Variants in ADAMTS2 observed in about 807,000 individuals in gnomAD.
The protein encoded by ADAMTS2 is ADAM metallopeptidase with thrombospondin type 1 motif 2.
Under a neutral mutation model 123.0 loss-of-function variants are expected in ADAMTS2, and 50 were observed. The ratio of observed to expected loss-of-function variants is 0.41; its 90% confidence interval spans 0.32 to 0.51. The LOEUF (loss-of-function observed/expected upper bound fraction) is 0.51. ADAMTS2 is among the 20% of genes least tolerant of loss of function. The pLI is 0.35. For synonymous variants in ADAMTS2, 678 were observed against 695.4 expected (o/e 0.98, Z 0.39); for missense variants, 1,494 against 1,705.2 (o/e 0.88, Z 2.18).
chr5:179,286,495 T>G (rs181901784), intron 2 of ADAMTS2, among the ~76,000 whole-genome samples: 2 of 152,044 alleles, frequency 1.3e-5, no homozygotes, highest in Non-Finnish European at 2.9e-5. Context: ...TGCCAACATA[T>G]GCTTCCTTAC....
intron 13 of ADAMTS2, 43 bp downstream of exon 13, chr5:179,135,866 G>C: frequency 6.2e-7 from 1 of 1,611,842 alleles, no homozygotes; most frequent in Non-Finnish European, 8.5e-7. Flanking sequence ...AGGAAGCTGA[G>C]ACTTGACACG....
At chr5:179,125,640 T>C (rs533866651) in intron 18 of ADAMTS2, among the ~76,000 whole-genome samples, 1 of 152,330 alleles carries the variant, frequency 6.6e-6, no homozygotes, top group East Asian at 1.9e-4. Context: ...CTGAGGTCCC[T>C]GGACCCAGAA....
rs972211440 is a variant in ADAMTS2, at chr5:179,158,935, G to C, written c.976-56C>G. On this transcript the variant is annotated intron_variant, in intron 5 of 21. Coordinates refer to ENST00000251582, the MANE Select transcript of ADAMTS2 (RefSeq NM_014244.5). This position sits in a 1 kb window ranked among gnomAD's most constrained non-coding sequence, Gnocchi z 5.0. ...GAGGTTGGCGCCTGGTGGCCCAGTG[G>C]GGGGCCGAGCAGGCTGTAGTGTTGA... is the stretch of plus-strand genomic sequence containing the variant. 6 of 1,597,126 alleles carry C rather than the reference G, an allele frequency of 3.8e-6. No individual in the cohort carries two copies. Among genetic ancestry groups the C allele is most frequent in the South Asian group, 1.1e-5 (1 of 89,586 alleles).
chr5:179,326,775 C>A (rs1001795890), intron 2 of ADAMTS2, among the ~76,000 whole-genome samples: 6 of 152,028 alleles, frequency 3.9e-5, no homozygotes, highest in South Asian at 4.2e-4. Flanking sequence ...GAGCAGAAAA[C>A]CAAGCCCACG....
At chr5:179,209,712 G>A (rs1397670184) in intron 3 of ADAMTS2, among the ~76,000 whole-genome samples, 1 of 152,250 alleles carries the variant, frequency 6.6e-6, no homozygotes, top group Non-Finnish European at 1.5e-5. Flanking sequence ...TAGCTGCCTG[G>A]ATGACTCAGG....
At chr5:179,325,334 C>T (rs555302852) in intron 2 of ADAMTS2, among the ~76,000 whole-genome samples, 19 of 152,236 alleles carry the variant, frequency 1.2e-4, no homozygotes, top group East Asian at 3.9e-4. Flanking sequence ...AGGGAGACCG[C>T]GTGCTTATCA....
intron 2 of ADAMTS2, among the ~76,000 whole-genome samples, chr5:179,294,984 G>A (rs1052208879): frequency 7.2e-5 from 11 of 152,284 alleles, no homozygotes; most frequent in African/African-American, 1.9e-4. Flanking sequence ...GCCTCTAGGC[G>A]AACGGGCCTG....
chr5:179,113,667 C>T lies in ADAMTS2; in HGVS notation c.*200G>A, dbSNP rs1332217755. Reference sequence around the variant, plus strand: ...GACGCCACCACAGTATTTGGTCGCTCCTGGGCTGGGAAGCACACGTGCTAA... The same window carrying T: ...GACGCCACCACAGTATTTGGTCGCTTCTGGGCTGGGAAGCACACGTGCTAA... On this transcript the variant is annotated 3_prime_UTR_variant, in exon 22 of 22. Transcript: ENST00000251582. 4 of 630,904 alleles carry T rather than the reference C, an allele frequency of 6.3e-6. No homozygotes were observed. In the African/African-American group the frequency reaches 7.3e-5, roughly 12 times the overall value. 39.1% of individuals were successfully genotyped at this position (630,904 alleles called of 1,614,324 possible). A position where few individuals can be genotyped will look rare whatever the true frequency, so the allele number is the denominator to read the frequency against.
intron 3 of ADAMTS2, among the ~76,000 whole-genome samples, chr5:179,259,279 C>T (rs999511433): frequency 6.6e-6 from 1 of 152,206 alleles, no homozygotes; most frequent in African/African-American, 2.4e-5. Flanking sequence ...AGCCCAACGT[C>T]CAGTGACTGC....
At chr5:179,157,518 CT>C (rs112529401) in intron 6 of ADAMTS2, among the ~76,000 whole-genome samples, 68 of 144,540 alleles carry the variant, frequency 4.7e-4, no homozygotes, top group South Asian at 4.4e-4. Context: ...TTAAATTTTC[CT>C]TTTTTTTTTT....
Position 179,256,870 on chromosome 5 carries a change from G to A in ADAMTS2, c.688+16041C>T, listed in dbSNP as rs1032755826. On this transcript the variant is annotated intron_variant, in intron 3 of 21. Coordinates refer to ENST00000251582, the MANE Select transcript of ADAMTS2 (RefSeq NM_014244.5). This position sits in a 1 kb window ranked among gnomAD's most constrained non-coding sequence, Gnocchi z 4.1. ...CAAATAAAACATTGCGGGGTGGGGC[G>A]GCGAGGCCGCCCAAGAGCTGCAGGG... Among the ~76,000 whole-genome samples, 10 of 152,258 alleles carry A rather than the reference G, an allele frequency of 6.6e-5. No homozygotes were observed. The highest frequency in any genetic ancestry group is 8.8e-5 in the Non-Finnish European group (6 of 68,040).
chr5:179,121,588 G>T, intron 21 of ADAMTS2, 73 bp downstream of exon 21: 2 of 1,277,296 alleles, frequency 1.6e-6, no homozygotes, highest in Non-Finnish European at 2.2e-6. Flanking sequence ...GAGGAGGGGG[G>T]CCCAAGGCAA....
rs1167217144 is a variant in ADAMTS2 at position 179,121,665 on chromosome 5, C to T, written c.3174G>A (p.Ser1058=). The change falls in exon 21 of 22, where the codon TCG becomes TCA. Residue 1058 remains serine (S), a synonymous_variant. Transcript: ENST00000251582. ...AGTTATAAACGGGTCGGTTACTTGA[C>T]GAGATCTTCCGGATGGGCGAGTCGG... ...PDPDSPIRKI[S]SKGHCQGDKS... The T allele has an allele frequency of 2.5e-6, 4 of 1,600,612 alleles. No homozygotes were observed. In the South Asian group the frequency reaches 3.4e-5, roughly 14 times the overall value.
At chr5:179,212,386 ATGGGCTCTGTGGG>A (rs1764876925) in intron 3 of ADAMTS2, among the ~76,000 whole-genome samples, 1 of 101,624 alleles carries the variant, frequency 9.8e-6, no homozygotes, top group African/African-American at 4.0e-5. Flanking sequence ...GTGGGCAGGC[ATGGGCTCTGTGGG>A]CAGGTGTGGG....
At chr5:179,319,900 C>G (rs1434212596) in intron 2 of ADAMTS2, among the ~76,000 whole-genome samples, 1 of 152,206 alleles carries the variant, frequency 6.6e-6, no homozygotes, top group Non-Finnish European at 1.5e-5. Flanking sequence ...CATCTCCGGC[C>G]TGGCCCACAG....
At chr5:179,233,612 C>T (rs1002387242) in intron 3 of ADAMTS2, among the ~76,000 whole-genome samples, 1 of 152,096 alleles carries the variant, frequency 6.6e-6, no homozygotes, top group Non-Finnish European at 1.5e-5. Flanking sequence ...CGCTTGAACC[C>T]GGAGGGAGAG....
At chr5:179,338,644 C>T (rs1757686074) in intron 2 of ADAMTS2, among the ~76,000 whole-genome samples, 1 of 152,178 alleles carries the variant, frequency 6.6e-6, no homozygotes, top group South Asian at 2.1e-4. Context: ...AGGGCCCTGA[C>T]CAGGTCACGG....
Position 179,121,961 on chromosome 5 carries a change from C to A in ADAMTS2, c.3089-211G>T. The A allele has an allele frequency of 7.3e-6, 3 of 410,882 alleles. No homozygotes were observed. In the South Asian group the frequency reaches 2.0e-4, roughly 27 times the overall value. The allele number at this position is 410,882 out of a possible 1,614,324, so 25.5% of individuals were successfully genotyped here. On this transcript the variant is annotated intron_variant, in intron 20 of 21. Coordinates refer to ENST00000251582, the MANE Select transcript of ADAMTS2 (RefSeq NM_014244.5). ...GGGGTCTCAGCTGGGTCTCAGCTAT[C>A]CCGTCCCTCTCGCTGCCCTGGCATG... is the stretch of plus-strand genomic sequence containing the variant.
rs541861703 is a variant in ADAMTS2, at chr5:179,250,485, A to T, written c.688+22426T>A. ...GGTTGCACAGCTGAGTGAATATAGTAAAAATTATGGAATTATGCGCCCGAA... is the reference window on the plus strand; with the variant it reads ...GGTTGCACAGCTGAGTGAATATAGTTAAAATTATGGAATTATGCGCCCGAA... On this transcript the variant is annotated intron_variant, in intron 3 of 21. Coordinates refer to ENST00000251582, the MANE Select transcript of ADAMTS2 (RefSeq NM_014244.5). Among the ~76,000 whole-genome samples the T allele has an allele frequency of 1.2e-4, 18 of 152,346 alleles. No homozygotes were observed. In the South Asian group the frequency reaches 3.5e-3, roughly 30 times the overall value.
Sources: allele counts gnomAD v4.1 joint callset (sites outside exome capture counted in the v4.1 genomes callset), GRCh38; gene constraint gnomAD v4.1.1; non-coding constraint Gnocchi (gnomAD v3.1); transcripts MANE v1.5; gene names NCBI Gene and HGNC (gene_info 2026-07-23, HGNC 2026-07-21).